The following STX7 variants were observed in gnomAD, a reference collection of about 807,000 sequenced individuals.
The protein encoded by STX7 is syntaxin-7.
Under a neutral mutation model 39.6 loss-of-function variants are expected in STX7, and 34 were observed. That is an observed-to-expected ratio of 0.86 (90% CI 0.65 to 1.14). STX7 has a LOEUF of 1.14. Ranked by LOEUF, STX7 falls within the 50% of genes most tolerant of loss-of-function variation. STX7 has a pLI of 0.00. For synonymous variants in STX7, 119 were observed against 99.1 expected, an observed-to-expected ratio of 1.20 and a Z score of -1.19; for missense variants, 284 against 310.4, an observed-to-expected ratio of 0.92 and a Z score of 0.64.
chr6:132,485,160 T>C (rs1775102304), intron 2 of STX7, among the ~76,000 whole-genome samples: 1 of 152,188 alleles, frequency 6.6e-6, no homozygotes. Context: ...TGTTGTAGTT[T>C]GCAATTTCCT....
intron 9 of STX7, among the ~76,000 whole-genome samples, chr6:132,462,582 G>GGTGTGTGTGTGTGTGTGTGTGT (rs71952617): frequency 1.4e-4 from 20 of 144,996 alleles, no homozygotes; most frequent in African/African-American, 4.6e-4. Flanking sequence ...CATTTGCAGG[G>GGTGTGTGTGTGTGTGTGTGTGT]GTGTGTGTGT....
chr6:132,499,695 TTAA>T (rs1240534177), intron 2 of STX7, among the ~76,000 whole-genome samples: 2 of 152,190 alleles, frequency 1.3e-5, no homozygotes, highest in African/African-American at 4.8e-5. Flanking sequence ...TCCACATTTT[TTAA>T]TGTTCCAGGC....
intron 2 of STX7, among the ~76,000 whole-genome samples, chr6:132,495,586 G>C (rs544084494): frequency 6.6e-5 from 10 of 152,122 alleles, no homozygotes; most frequent in African/African-American, 1.9e-4. Flanking sequence ...TATGGTTCCA[G>C]TAAATTCATT....
Position 132,447,218 on chromosome 6 carries a change from T to C in STX7, c.*13540A>G, listed in dbSNP as rs188534410. ...GTGTAGTGGAAAGAGTTAGACTCAC[T>C]AGACATTGATTAGCTGACTGACATA... On this transcript the variant is annotated 3_prime_UTR_variant, in exon 10 of 10. Coordinates refer to ENST00000367941, the MANE Select transcript of STX7 (RefSeq NM_003569.3). 1 of 152,310 alleles carries C rather than the reference T, an allele frequency of 6.6e-6. No homozygotes were observed. Among genetic ancestry groups the C allele is most frequent in the Admixed American group, 6.5e-5 (1 of 15,284 alleles). The allele number at this position is 152,310 out of a possible 1,614,324, so 9.4% of individuals were successfully genotyped here. A position where few individuals can be genotyped will look rare whatever the true frequency, so the allele number is the denominator to read the frequency against.
chr6:132,457,726 C>T lies in STX7; in HGVS notation c.*3032G>A, dbSNP rs1774277066. ...TTATTTACCACCAATGAATTTTTAT[C>T]ATATTTAAATGAACTTGAAAATGTC... is the stretch of plus-strand genomic sequence containing the variant. On this transcript the variant is annotated 3_prime_UTR_variant, in exon 10 of 10. Transcript: ENST00000367941. 1 of 151,886 alleles carries T rather than the reference C, an allele frequency of 6.6e-6. No individual in the cohort carries two copies. The highest frequency in any genetic ancestry group is 2.4e-5 in the African/African-American group (1 of 41,338). The allele number at this position is 151,886 out of a possible 1,614,324, so 9.4% of individuals were successfully genotyped here.
chr6:132,496,052 G>A (rs769712419), intron 2 of STX7, among the ~76,000 whole-genome samples: 1 of 152,004 alleles, frequency 6.6e-6, no homozygotes, highest in Non-Finnish European at 1.5e-5. Context: ...AAAAGCTTAC[G>A]TTCATACTTT....
At chr6:132,465,268 T>C (rs1774534857) in intron 8 of STX7, among the ~76,000 whole-genome samples, 1 of 151,976 alleles carries the variant, frequency 6.6e-6, no homozygotes, top group Non-Finnish European at 1.5e-5. Flanking sequence ...ATTTCAAGGG[T>C]CTCACTCTTT....
chr6:132,503,450 C>G lies in STX7; in HGVS notation c.81G>C (p.Gln27His). ...TCCATTTAAAACTCAACTCACAACA[C>G]TGTGTGATCTTCTGGATGTTAGAAG... ...RISSNIQKIT[Q>H]CSVEIQRTLN... Residue 27 changes from glutamine (Q) to histidine (H), a missense_variant, in exon 2 of 10, where the codon CAG (glutamine) becomes CAC (histidine). Gln to His is a conservative substitution (Grantham distance 24). Coordinates refer to ENST00000367941, the MANE Select transcript of STX7 (RefSeq NM_003569.3). The G allele has an allele frequency of 1.2e-6, 2 of 1,613,808 alleles. No individual in the cohort carries two copies. Among genetic ancestry groups the G allele is most frequent in the East Asian group, 4.5e-5 (2 of 44,872 alleles).
chr6:132,482,705 AG>A (rs1775042359), intron 2 of STX7, among the ~76,000 whole-genome samples: 1 of 152,232 alleles, frequency 6.6e-6, no homozygotes, highest in African/African-American at 2.4e-5. Flanking sequence ...TTGAGATGTT[AG>A]ATGTTTCCAG....
chr6:132,484,091 T>G (rs1035237752), intron 2 of STX7, among the ~76,000 whole-genome samples: 1 of 152,218 alleles, frequency 6.6e-6, no homozygotes, highest in Non-Finnish European at 1.5e-5. Flanking sequence ...TAGGATTAAA[T>G]CAACATGTGT....
In STX7 at chr6:132,454,432, T is replaced by C. The variant is rs932569180; in HGVS notation, c.*6326A>G. 6.6e-6 allele frequency: 1 copy of C among 152,156 alleles called. No homozygotes were observed. Among genetic ancestry groups the C allele is most frequent in the African/African-American group, 2.4e-5 (1 of 41,446 alleles). The allele number at this position is 152,156 out of a possible 1,614,324, so 9.4% of individuals were successfully genotyped here. ...GATATTGTATGACAGTTTTGAAAGA[T>C]GTTCACTGTGTGGGAAACAAAGTGA... is the stretch of plus-strand genomic sequence containing the variant. On this transcript the variant is annotated 3_prime_UTR_variant, in exon 10 of 10. Transcript: ENST00000367941.
rs1427717440 is a variant in STX7 at position 132,454,172 on chromosome 6, T to C, written c.*6586A>G. On this transcript the variant is annotated 3_prime_UTR_variant, in exon 10 of 10. Coordinates refer to ENST00000367941, the MANE Select transcript of STX7 (RefSeq NM_003569.3). ...ATCATGCTAAATGAAAAAAAGCCAA[T>C]CCCAAAAGGTTACATATTATTATGA... 1 of 149,396 alleles carries C rather than the reference T, an allele frequency of 6.7e-6. No homozygotes were observed. The highest frequency in any genetic ancestry group is 2.5e-5 in the African/African-American group (1 of 40,408). 9.3% of individuals were successfully genotyped at this position (149,396 alleles called of 1,614,324 possible).
intron 2 of STX7, among the ~76,000 whole-genome samples, chr6:132,478,937 C>A (rs1025309506): frequency 6.6e-6 from 1 of 152,212 alleles, no homozygotes; most frequent in African/African-American, 2.4e-5. Context: ...CGGATCATCT[C>A]CTCCTACAGG....
chr6:132,470,151 T>A, intron 6 of STX7, 104 bp from the exon 7 acceptor site: 1 of 812,178 alleles, frequency 1.2e-6, no homozygotes, highest in Non-Finnish European at 1.8e-6. Context: ...TATTTTATTC[T>A]CCAAAGTCAC....
Position 132,477,458 on chromosome 6 carries a change from G to A in STX7, c.86-1796C>T, listed in dbSNP as rs542682636. Among the ~76,000 whole-genome samples, 21 of 152,094 alleles carry A rather than the reference G, an allele frequency of 1.4e-4. No homozygotes were observed. In the South Asian group the frequency reaches 3.9e-3, roughly 29 times the overall value. On this transcript the variant is annotated intron_variant, in intron 2 of 9. Coordinates refer to ENST00000367941, the MANE Select transcript of STX7 (RefSeq NM_003569.3). ...TAAATTATTTAATAAATGACACCAG[G>A]AAAACTGACTAACCATTTGGGCAGG...
intron 2 of STX7, among the ~76,000 whole-genome samples, chr6:132,487,991 G>A (rs1343390513): frequency 1.3e-5 from 2 of 152,114 alleles, no homozygotes; most frequent in African/African-American, 4.8e-5. Flanking sequence ...CTGACGTCAT[G>A]ATTTGAGACC....
intron 8 of STX7, among the ~76,000 whole-genome samples, chr6:132,465,344 T>TCAACTTG (rs1471827835): frequency 1.3e-5 from 2 of 152,150 alleles, no homozygotes; most frequent in Non-Finnish European, 2.9e-5. Context: ...TTTTCAACTT[T>TCAACTTG]CATTGATCCT....
chr6:132,473,517 G>GTTTTTTTTTTTT (rs752590497), intron 3 of STX7, among the ~76,000 whole-genome samples: 6 of 125,782 alleles, frequency 4.8e-5, no homozygotes, highest in South Asian at 5.2e-4. Context: ...TTATTATTGT[G>GTTTTTTTTTTTT]TTGTTTTTTT....
chr6:132,490,233 C>T (rs1356573508), intron 2 of STX7, among the ~76,000 whole-genome samples: 4 of 152,200 alleles, frequency 2.6e-5, no homozygotes, highest in Admixed American at 1.3e-4. Context: ...TTCCTGTCAT[C>T]CACTCGAGGG....
Sources: gnomAD v4.1 joint callset for allele counts (sites outside exome capture counted in the v4.1 genomes callset) on GRCh38, gnomAD v4.1.1 for gene constraint, MANE v1.5 for transcripts, NCBI Gene and HGNC (gene_info 2026-07-23, HGNC 2026-07-21) for gene names.